The following ANKRD36 variants were observed in gnomAD, a reference collection of about 807,000 sequenced individuals.
The protein encoded by ANKRD36 is ankyrin repeat domain-containing protein 36A.
In ANKRD36, 179 loss-of-function variants were observed where a neutral mutation model predicts 278.1. That is an observed-to-expected ratio of 0.64 (90% confidence interval 0.57 to 0.73). The LOEUF is 0.73. Among genes scored for constraint, ANKRD36 ranks in the 30% least tolerant of loss-of-function variants. The pLI, the probability that ANKRD36 is intolerant of heterozygous loss-of-function variation, is 0.00. For synonymous variants in ANKRD36, 320 were observed against 641.1 expected, an observed-to-expected ratio of 0.50 and a Z score of 7.57; for missense variants, 1,159 against 1,956.7, an observed-to-expected ratio of 0.59 and a Z score of 7.69.
Position 97,124,525 on chromosome 2 carries a change from A to G in ANKRD36, c.659A>G (p.Asn220Ser). 5 of 1,553,094 alleles carry G rather than the reference A, an allele frequency of 3.2e-6. No individual in the cohort carries two copies. The highest frequency in any genetic ancestry group is 4.4e-6 in the Non-Finnish European group (5 of 1,147,336). Residue 220 changes from asparagine to serine, a missense_variant, in exon 5 of 76, where the codon AAT becomes AGT. Coordinates refer to ENST00000420699, the MANE Select transcript of ANKRD36 (RefSeq NM_001354587.1). The part of the protein sequence containing the change: ...KDIVILLLQH[N>S]IDVLSRDAFR... The stretch of plus-strand genomic sequence containing the variant: ...ATAGTCATTCTTCTTCTGCAGCACA[A>G]TATTGATGTGCTTTCTCGAGATGCG...
intron 5 of ANKRD36, among the ~76,000 whole-genome samples, chr2:97,126,578 C>G (rs1399554148): frequency 2.0e-5 from 3 of 151,880 alleles, no homozygotes; most frequent in Non-Finnish European, 4.4e-5. Context: ...AAAAAATACA[C>G]ATTGGGTTTG....
intron 14 of ANKRD36, 80 bp from the exon 15 acceptor site, chr2:97,154,595 C>T (rs77426384): frequency 9.6e-7 from 1 of 1,043,050 alleles, no homozygotes; most frequent in African/African-American, 1.7e-5. Context: ...TGGAGGGGAC[C>T]TGCATGTATA....
At chr2:97,260,377 T>TAC (rs1553500898) in intron 75 of ANKRD36, among the ~76,000 whole-genome samples, 68 of 125,144 alleles carry the variant, frequency 5.4e-4, no homozygotes, top group African/African-American at 1.8e-3. Context: ...TATATATATA[T>TAC]ATACACACAT....
chr2:97,163,690 T>C (rs796478199), intron 18 of ANKRD36: 12,893 of 65,804 alleles, frequency 0.2, 1 homozygote, highest in Non-Finnish European at 0.25. Flanking sequence ...ATTCTCCTGC[T>C]TCAGCCTCCT....
At chr2:97,203,439 G>T (rs1008527272) in intron 48 of ANKRD36, among the ~76,000 whole-genome samples, 1 of 151,762 alleles carries the variant, frequency 6.6e-6, no homozygotes, top group African/African-American at 2.4e-5. Context: ...CTTTTGGAAG[G>T]CTAAACTAGT....
At chr2:97,194,985 C>G (rs1381024721) in intron 40 of ANKRD36, 68 bp downstream of exon 40, 1 of 1,522,000 alleles carries the variant, frequency 6.6e-7, no homozygotes, top group Non-Finnish European at 8.8e-7. Context: ...CCGAATAAAT[C>G]AGTGGGGGGC....
intron 6 of ANKRD36, among the ~76,000 whole-genome samples, chr2:97,130,839 A>G (rs1301688412): frequency 2.0e-5 from 3 of 152,072 alleles, no homozygotes; most frequent in African/African-American, 7.2e-5. Context: ...ATTTTTGACA[A>G]CTATATATGA....
At chr2:97,193,901 G>T (rs1010006091) in intron 38 of ANKRD36, among the ~76,000 whole-genome samples, 3 of 151,656 alleles carry the variant, frequency 2.0e-5, no homozygotes, top group African/African-American at 4.8e-5. Context: ...GAATGATGTT[G>T]AATTCCAATT....
chr2:97,159,628 T>C (rs2048337783), intron 17 of ANKRD36, among the ~76,000 whole-genome samples: 2 of 151,836 alleles, frequency 1.3e-5, no homozygotes, highest in South Asian at 4.2e-4. Context: ...ATATTTGGTA[T>C]ACTCCTAAGT....
At chr2:97,159,213 C>T (rs148824345) in intron 17 of ANKRD36, among the ~76,000 whole-genome samples, 1,757 of 151,810 alleles carry the variant, frequency 0.012, 144 homozygotes, top group Admixed American at 0.098. Flanking sequence ...GAGTGACTTA[C>T]GGGTGATTTT....
At chr2:97,194,044 G>A (rs1196325916) in intron 38 of ANKRD36, among the ~76,000 whole-genome samples, 1 of 151,572 alleles carries the variant, frequency 6.6e-6, no homozygotes, top group Non-Finnish European at 1.5e-5. Context: ...TTTTATTGAG[G>A]CTAATATATT....
chr2:97,184,763 A>G (rs373075862), intron 28 of ANKRD36, among the ~76,000 whole-genome samples: 2 of 151,886 alleles, frequency 1.3e-5, no homozygotes, highest in East Asian at 3.9e-4. Context: ...AATGAATACT[A>G]TCTACTAGGA....
intron 6 of ANKRD36, among the ~76,000 whole-genome samples, chr2:97,128,888 C>T (rs191288829): frequency 1.3e-4 from 20 of 152,180 alleles, no homozygotes; most frequent in African/African-American, 2.9e-4. Flanking sequence ...ATAACACAGC[C>T]GCATTTCGAG....
chr2:97,197,334 G>A (rs2060056566), intron 42 of ANKRD36, among the ~76,000 whole-genome samples: 1 of 151,920 alleles, frequency 6.6e-6, no homozygotes, highest in African/African-American at 2.4e-5. Context: ...CACTTCAGAT[G>A]CATTTGGAAT....
chr2:97,194,491 G>A (rs773973711), intron 38 of ANKRD36, among the ~76,000 whole-genome samples: 5 of 151,422 alleles, frequency 3.3e-5, no homozygotes, highest in Admixed American at 1.3e-4. Context: ...TTTAGCTTTC[G>A]ACACATAAAA....
At chr2:97,199,673 G>C (rs533090509) in intron 44 of ANKRD36, among the ~76,000 whole-genome samples, 1 of 152,004 alleles carries the variant, frequency 6.6e-6, no homozygotes, top group Admixed American at 6.6e-5. Context: ...ATCCTTCGGT[G>C]CCAAGAGTGG....
chr2:97,124,001 G>A (rs894208427), intron 4 of ANKRD36, among the ~76,000 whole-genome samples: 13 of 145,598 alleles, frequency 8.9e-5, no homozygotes, highest in African/African-American at 2.5e-4. Flanking sequence ...CCTATCACAC[G>A]CTTATCAGCA....
At chr2:97,137,740 C>G (rs951089813) in intron 6 of ANKRD36, among the ~76,000 whole-genome samples, 14 of 152,082 alleles carry the variant, frequency 9.2e-5, no homozygotes, top group Admixed American at 5.9e-4. Flanking sequence ...AAAAGCATTC[C>G]TATTTCTCCA....
intron 3 of ANKRD36, among the ~76,000 whole-genome samples, chr2:97,120,999 C>T (rs2036647549): frequency 6.6e-6 from 1 of 151,936 alleles, no homozygotes; most frequent in Non-Finnish European, 1.5e-5. Flanking sequence ...TGCTACTGTG[C>T]CTACCTAGGT....
Sources: gnomAD v4.1 joint callset for allele counts (sites outside exome capture counted in the v4.1 genomes callset) on GRCh38, gnomAD v4.1.1 for gene constraint, MANE v1.5 for transcripts, NCBI Gene and HGNC (gene_info 2026-07-23, HGNC 2026-07-21) for gene names.